SGCZ: variants seen among roughly 807,000 people sequenced by gnomAD.
SGCZ encodes sarcoglycan zeta, also known as zeta-sarcoglycan.
A neutral mutation model predicts 41.3 loss-of-function variants in SGCZ; 40 were observed. That is an observed-to-expected ratio of 0.97 (90% CI 0.75 to 1.26). The LOEUF (loss-of-function observed/expected upper bound fraction) is 1.26. Among genes scored for constraint, SGCZ ranks in the 50% most tolerant of loss-of-function variants. The pLI is 0.00. For missense variants in SGCZ, 552 were observed against 369.8 expected, an observed-to-expected ratio of 1.49 and a Z score of -4.04; for synonymous variants, 206 against 137.5, an observed-to-expected ratio of 1.50 and a Z score of -3.49.
intron 1 of SGCZ, among the ~76,000 whole-genome samples, chr8:15,025,354 C>T (rs1210677179): frequency 6.6e-6 from 1 of 152,096 alleles, no homozygotes; most frequent in Non-Finnish European, 1.5e-5. Context: ...CTCAAGGACA[C>T]ATAATTTGAT....
chr8:14,458,018 G>C lies in SGCZ; in HGVS notation c.234+96714C>G, dbSNP rs147685557. Among the ~76,000 whole-genome samples the C allele has an allele frequency of 4.0e-4, 61 of 152,158 alleles. No individual in the cohort carries two copies. In the East Asian group the frequency reaches 6.6e-3, roughly 16 times the overall value. ...CCCTGTGGAGCTGGTTCCTACAGGG[G>C]CCTGTAGAACCATGGGTCAATCAAA... On this transcript the variant is annotated intron_variant, in intron 2 of 7. Coordinates refer to ENST00000382080, the MANE Select transcript of SGCZ (RefSeq NM_139167.4).
chr8:14,992,709 C>T (rs1366366458), intron 1 of SGCZ, among the ~76,000 whole-genome samples: 1 of 140,738 alleles, frequency 7.1e-6, no homozygotes, highest in African/African-American at 2.7e-5. Flanking sequence ...CCCACCCATC[C>T]TCCTCATTCA....
intron 1 of SGCZ, among the ~76,000 whole-genome samples, chr8:15,185,010 T>G (rs1468317178): frequency 1.3e-5 from 2 of 152,296 alleles, no homozygotes; most frequent in East Asian, 3.9e-4. Context: ...GCTCTCTTCA[T>G]CTCCCAGGTT....
chr8:14,729,513 T>C (rs1375313149), intron 1 of SGCZ, among the ~76,000 whole-genome samples: 1 of 152,144 alleles, frequency 6.6e-6, no homozygotes, highest in Non-Finnish European at 1.5e-5. Context: ...GGAAGAGACA[T>C]CAGGGATGAA....
chr8:14,799,247 C>T (rs376889336), intron 1 of SGCZ, among the ~76,000 whole-genome samples: 10 of 152,174 alleles, frequency 6.6e-5, no homozygotes, highest in South Asian at 2.1e-4. Flanking sequence ...GAGGACTTAA[C>T]GAGATGACCT....
intron 2 of SGCZ, among the ~76,000 whole-genome samples, chr8:14,371,247 G>C (rs1417012178): frequency 6.6e-6 from 1 of 151,824 alleles, no homozygotes; most frequent in Non-Finnish European, 1.5e-5. Context: ...ATTCTTATGG[G>C]ACAATTAGTG....
At chr8:15,062,716 AATAC>A (rs1157414661) in intron 1 of SGCZ, among the ~76,000 whole-genome samples, 1 of 152,200 alleles carries the variant, frequency 6.6e-6, no homozygotes, top group Non-Finnish European at 1.5e-5. Flanking sequence ...TAAATTGAAA[AATAC>A]ATACTTTGTT....
chr8:15,073,997 T>C (rs768154858), intron 1 of SGCZ, among the ~76,000 whole-genome samples: 1 of 152,168 alleles, frequency 6.6e-6, no homozygotes, highest in Non-Finnish European at 1.5e-5. Flanking sequence ...AGGATGATAA[T>C]AGTCCCTTCC....
chr8:14,882,703 A>G (rs1804635958), intron 1 of SGCZ, among the ~76,000 whole-genome samples: 1 of 152,128 alleles, frequency 6.6e-6, no homozygotes, highest in Non-Finnish European at 1.5e-5. Context: ...CTCTGCTGCT[A>G]ATAGCAACAC....
intron 1 of SGCZ, among the ~76,000 whole-genome samples, chr8:15,117,363 A>AG (rs1490749385): frequency 6.6e-6 from 1 of 152,200 alleles, no homozygotes; most frequent in African/African-American, 2.4e-5. Context: ...CATCTCAAAA[A>AG]AAAAAAAAGT....
At chr8:14,646,445 C>G (rs150870835) in intron 1 of SGCZ, among the ~76,000 whole-genome samples, 2 of 111,170 alleles carry the variant, frequency 1.8e-5, no homozygotes, top group Non-Finnish European at 4.5e-5. Context: ...CATTATCCAA[C>G]CCACTGTTGA....
intron 1 of SGCZ, among the ~76,000 whole-genome samples, chr8:14,589,345 CA>C (rs34816729): frequency 0.61 from 74,197 of 122,192 alleles, 21,443 homozygotes; most frequent in Non-Finnish European, 0.66. Context: ...GACTCCATCT[CA>C]AAAAAAAAAA....
intron 4 of SGCZ, among the ~76,000 whole-genome samples, chr8:14,224,194 G>C (rs1352116831): frequency 6.6e-6 from 1 of 152,088 alleles, no homozygotes; most frequent in Non-Finnish European, 1.5e-5. Context: ...TTGAACCTAG[G>C]CCTTTCATAT....
At chr8:14,477,259 T>A (rs947583071) in intron 2 of SGCZ, among the ~76,000 whole-genome samples, 1 of 152,168 alleles carries the variant, frequency 6.6e-6, no homozygotes, top group Non-Finnish European at 1.5e-5. Context: ...AGGAGAAGGC[T>A]GTTGGCAAAA....
At chr8:14,775,483 G>C (rs951895310) in intron 1 of SGCZ, among the ~76,000 whole-genome samples, 2 of 151,932 alleles carry the variant, frequency 1.3e-5, no homozygotes, top group Non-Finnish European at 2.9e-5. Flanking sequence ...GTGTGTGTGT[G>C]TGTGTGTGTG....
intron 1 of SGCZ, among the ~76,000 whole-genome samples, chr8:14,629,438 A>G (rs1172309345): frequency 6.6e-6 from 1 of 152,160 alleles, no homozygotes; most frequent in Non-Finnish European, 1.5e-5. Context: ...TAATGTACAA[A>G]CAGATCCATC....
At chr8:15,018,976 C>T (rs1486780831) in intron 1 of SGCZ, among the ~76,000 whole-genome samples, 3 of 152,068 alleles carry the variant, frequency 2.0e-5, no homozygotes, top group African/African-American at 7.2e-5. Context: ...CTTACATGGC[C>T]GGAGCAGGAG....
chr8:14,550,729 T>A (rs190394420), intron 2 of SGCZ, among the ~76,000 whole-genome samples: 6 of 152,112 alleles, frequency 3.9e-5, no homozygotes, highest in African/African-American at 1.4e-4. Context: ...CCATCAATTC[T>A]TCCCAACTCA....
chr8:14,293,527 A>T lies in SGCZ; in HGVS notation c.336+30576T>A, dbSNP rs113281621. 7.2e-3 allele frequency among the ~76,000 whole-genome samples: 1,090 copies of T among 152,060 alleles called. 14 individuals are homozygous for T. Among genetic ancestry groups the T allele is most frequent in the African/African-American group, 0.024 (1,012 of 41,530 alleles). ...ACTTAGACTTTTAACTCCGAATGAA[A>T]TTTGTCAGTTTGATACATATGTCAA... On this transcript the variant is annotated intron_variant, in intron 3 of 7. Coordinates refer to ENST00000382080, the MANE Select transcript of SGCZ (RefSeq NM_139167.4).
Sources: gnomAD v4.1 joint callset for allele counts (sites outside exome capture counted in the v4.1 genomes callset) on GRCh38, gnomAD v4.1.1 for gene constraint, MANE v1.5 for transcripts, NCBI Gene and HGNC (gene_info 2026-07-23, HGNC 2026-07-21) for gene names.